The following MANBA variants were observed in gnomAD, a reference collection of about 807,000 sequenced individuals.
The protein encoded by MANBA is beta-mannosidase.
In MANBA, 83 loss-of-function variants were observed where a neutral mutation model predicts 111.1. The ratio of observed to expected loss-of-function variants is 0.75; its 90% CI spans 0.63 to 0.90. MANBA has a LOEUF of 0.90. Among genes scored for constraint, MANBA ranks in the 40% least tolerant of loss-of-function variants. MANBA has a pLI of 0.00. For synonymous variants in MANBA, 370 were observed against 378.7 expected, an observed-to-expected ratio of 0.98 and a Z score of 0.27; for missense variants, 1,036 against 1,069.0, an observed-to-expected ratio of 0.97 and a Z score of 0.43.
chr4:102,660,418 C>T (rs921918619), intron 11 of MANBA, among the ~76,000 whole-genome samples: 4 of 151,996 alleles, frequency 2.6e-5, no homozygotes, highest in Admixed American at 2.0e-4. Flanking sequence ...ATAAATTATA[C>T]AAAGCACTTA....
chr4:102,714,634 T>C, intron 4 of MANBA, 73 bp from the exon 5 acceptor site: 1 of 1,426,876 alleles, frequency 7.0e-7, no homozygotes, highest in Non-Finnish European at 9.8e-7. Context: ...AAACATTTTC[T>C]TTAAAAATGT....
chr4:102,655,727 C>T (rs1730529975), intron 12 of MANBA, among the ~76,000 whole-genome samples: 1 of 152,094 alleles, frequency 6.6e-6, no homozygotes, highest in African/African-American at 2.4e-5. Flanking sequence ...AAACCTTTGC[C>T]ATTTGGGGTG....
At chr4:102,660,726 G>A (rs1430368920) in intron 11 of MANBA, among the ~76,000 whole-genome samples, 1 of 150,438 alleles carries the variant, frequency 6.6e-6, no homozygotes. Context: ...AGTCACTGGG[G>A]TTACAGGTGT....
chr4:102,724,019 ATAAGTCTCTTTTTTAT>A, intron 2 of MANBA, 52 bp from the exon 3 acceptor site: 1 of 962,778 alleles, frequency 1.0e-6, no homozygotes, highest in Non-Finnish European at 1.6e-6. Context: ...ATTAACTTAG[ATAAGTCTCTTTTTTAT>A]TATTTAAGGC....
chr4:102,687,228 C>A (rs564115951), intron 7 of MANBA, among the ~76,000 whole-genome samples: 3 of 152,110 alleles, frequency 2.0e-5, no homozygotes, highest in Non-Finnish European at 4.4e-5. Context: ...AGATTTATTT[C>A]CTCAGCAGTT....
intron 4 of MANBA, among the ~76,000 whole-genome samples, chr4:102,716,264 G>A (rs955638971): frequency 4.7e-5 from 6 of 127,580 alleles, no homozygotes; most frequent in African/African-American, 1.5e-4. Context: ...AGTTGAGATC[G>A]CACCACTGCA....
At chr4:102,677,911 ATAAG>A (rs1426992270) in intron 7 of MANBA, among the ~76,000 whole-genome samples, 1 of 152,194 alleles carries the variant, frequency 6.6e-6, no homozygotes, top group Admixed American at 6.5e-5. Flanking sequence ...TTTAAAATGA[ATAAG>A]TAAATACTTA....
At chr4:102,717,330 T>A (rs887748005) in intron 4 of MANBA, among the ~76,000 whole-genome samples, 1 of 151,002 alleles carries the variant, frequency 6.6e-6, no homozygotes, top group African/African-American at 2.4e-5. Flanking sequence ...CAGTGAGAGG[T>A]TGAGGAGGAT....
At chr4:102,753,855 G>A in intron 1 of MANBA, 1 of 383,078 alleles carries the variant, frequency 2.6e-6, no homozygotes, top group Admixed American at 3.3e-5. Context: ...GGCCGAGGTG[G>A]GCGGATTGCC....
intron 1 of MANBA, chr4:102,730,714 C>G (rs1723002475): frequency 1.9e-6 from 1 of 530,422 alleles, no homozygotes; most frequent in South Asian, 1.4e-5. Flanking sequence ...TTCTGGATTC[C>G]CTACAGATAG....
chr4:102,742,452 A>G (rs1216045573), intron 1 of MANBA, among the ~76,000 whole-genome samples: 1 of 152,208 alleles, frequency 6.6e-6, no homozygotes, highest in Non-Finnish European at 1.5e-5. Flanking sequence ...CAGAGCATAC[A>G]TGGTCTTCTG....
chr4:102,720,078 A>G (rs1722504298), intron 4 of MANBA, among the ~76,000 whole-genome samples: 1 of 152,234 alleles, frequency 6.6e-6, no homozygotes, highest in Admixed American at 6.5e-5. Context: ...ATCTTTATTG[A>G]TGACTTGAAA....
chr4:102,698,511 T>C (rs1316048175), intron 5 of MANBA, among the ~76,000 whole-genome samples: 1 of 147,164 alleles, frequency 6.8e-6, no homozygotes, highest in Non-Finnish European at 1.5e-5. Flanking sequence ...AAGTCTTTAA[T>C]CCATCTTGAA....
At chr4:102,734,576 G>A (rs1369962230) in intron 1 of MANBA, 1 of 1,607,470 alleles carries the variant, frequency 6.2e-7, no homozygotes, top group Non-Finnish European at 8.5e-7. Flanking sequence ...TTCCTTCTGT[G>A]AACAAGAGGC....
chr4:102,718,255 G>A (rs963567462), intron 4 of MANBA, among the ~76,000 whole-genome samples: 5 of 152,204 alleles, frequency 3.3e-5, no homozygotes, highest in Admixed American at 2.0e-4. Context: ...GCGGTGTGGC[G>A]CATACTGAGC....
chr4:102,662,451 G>A (rs1157127288), intron 11 of MANBA, among the ~76,000 whole-genome samples: 4 of 151,380 alleles, frequency 2.6e-5, no homozygotes, highest in Admixed American at 6.6e-5. Context: ...GAGGCTACTC[G>A]GGAGAATTGC....
intron 4 of MANBA, among the ~76,000 whole-genome samples, chr4:102,719,197 CCCCCAGGAATGCATTCCTT>C (rs1178494944): frequency 6.6e-6 from 1 of 152,140 alleles, no homozygotes; most frequent in East Asian, 1.9e-4. Context: ...TACAGACCTA[CCCCCAGGAATGCATTCCTT>C]CCCCAGGGTT....
At chr4:102,641,051 C>T (rs548776536) in intron 13 of MANBA, among the ~76,000 whole-genome samples, 20 of 152,220 alleles carry the variant, frequency 1.3e-4, no homozygotes, top group Admixed American at 1.2e-3. Flanking sequence ...CAGAAAGATA[C>T]GTAATCATTA....
intron 5 of MANBA, 39 bp from the exon 6 acceptor site, chr4:102,690,810 TATAA>T: frequency 1.4e-6 from 1 of 740,652 alleles, no homozygotes. Flanking sequence ...TATATATATA[TATAA>T]TATGCTAAGC....
Sources: allele counts gnomAD v4.1 joint callset (sites outside exome capture counted in the v4.1 genomes callset), GRCh38; gene constraint gnomAD v4.1.1; transcripts MANE v1.5; gene names NCBI Gene and HGNC (gene_info 2026-07-23, HGNC 2026-07-21).